NCOA5: variants seen among roughly 807,000 people sequenced by gnomAD.
NCOA5 encodes NCoA-5.
A neutral mutation model predicts 59.0 loss-of-function variants in NCOA5; 12 were observed. That is an observed-to-expected ratio of 0.20 (90% confidence interval 0.13 to 0.33). NCOA5 has a LOEUF of 0.33. Ranked by LOEUF, NCOA5 falls within the 10% of genes least tolerant of loss-of-function variation. NCOA5 has a pLI of 1.00. For missense variants in NCOA5, 655 were observed against 766.6 expected (o/e 0.85, Z 1.72); for synonymous variants, 270 against 275.5 (o/e 0.98, Z 0.20).
chr20:46,078,615 T>C (rs1469661049), intron 2 of NCOA5, among the ~76,000 whole-genome samples: 1 of 152,218 alleles, frequency 6.6e-6, no homozygotes, highest in Non-Finnish European at 1.5e-5. Flanking sequence ...CTGTCTGCCC[T>C]CTACACAAAA....
intron 4 of NCOA5, 48 bp downstream of exon 4, chr20:46,068,454 G>T: frequency 6.4e-7 from 1 of 1,559,698 alleles, no homozygotes; most frequent in South Asian, 1.2e-5. Flanking sequence ...TCTCTCTTTT[G>T]TAAAGTGTTC....
At chr20:46,085,268 C>T (rs1208873783) in intron 1 of NCOA5, among the ~76,000 whole-genome samples, 2 of 151,912 alleles carry the variant, frequency 1.3e-5, no homozygotes, top group African/African-American at 4.8e-5. Flanking sequence ...CTCAAGTGAT[C>T]CTCCCACCTC....
intron 1 of NCOA5, among the ~76,000 whole-genome samples, chr20:46,083,955 GAATAC>G (rs1395686244): frequency 6.6e-6 from 1 of 152,146 alleles, no homozygotes; most frequent in African/African-American, 2.4e-5. Context: ...AGTTCACTTT[GAATAC>G]TATACTTTCC....
intron 5 of NCOA5, among the ~76,000 whole-genome samples, chr20:46,066,422 TGAAG>T (rs941361997): frequency 2.0e-5 from 3 of 152,160 alleles, no homozygotes; most frequent in Non-Finnish European, 2.9e-5. Context: ...GGTTGTCCCA[TGAAG>T]GGAGTATATA....
chr20:46,062,456 C>T lies in NCOA5; in HGVS notation c.1584G>A (p.Val528=). 6.2e-7 allele frequency: 1 copy of T among 1,614,146 alleles called. No homozygotes were observed. Among genetic ancestry groups the T allele is most frequent in the Non-Finnish European group, 8.5e-7 (1 of 1,180,026 alleles). Residue 528 remains valine, a synonymous_variant, in exon 8 of 8, where the codon GTG becomes GTA. Coordinates refer to ENST00000290231, the MANE Select transcript of NCOA5 (RefSeq NM_020967.3). ...PASNMTSQRP[V]SSTGINFDNP... ...TGTCAAAGTTGATACCTGTGGAAGA[C>T]ACAGGCCTCTGGCTAGTCATGTTGC...
intron 2 of NCOA5, among the ~76,000 whole-genome samples, chr20:46,079,105 G>A (rs1367835124): frequency 6.6e-6 from 1 of 152,126 alleles, no homozygotes; most frequent in Non-Finnish European, 1.5e-5. Context: ...AATGACACGT[G>A]AGCTGGGGAC....
intron 6 of NCOA5, among the ~76,000 whole-genome samples, chr20:46,063,986 C>T (rs1325763755): frequency 6.6e-6 from 1 of 152,188 alleles, no homozygotes. Context: ...AAACAGACCA[C>T]GTGGGGAACA....
chr20:46,063,828 G>T (rs369631929), intron 6 of NCOA5, 148 bp from the exon 7 acceptor site: 10 of 816,528 alleles, frequency 1.2e-5, no homozygotes, highest in East Asian at 5.4e-5. Flanking sequence ...GGGGTGGTGT[G>T]GGGGGAGAGA....
chr20:46,084,983 C>T (rs2085031468), intron 1 of NCOA5, among the ~76,000 whole-genome samples: 1 of 152,142 alleles, frequency 6.6e-6, no homozygotes, highest in Non-Finnish European at 1.5e-5. Flanking sequence ...ACACATGTCC[C>T]AGGCCTTACA....
chr20:46,076,188 GTT>G (rs762655626), intron 2 of NCOA5, among the ~76,000 whole-genome samples: 4 of 151,558 alleles, frequency 2.6e-5, no homozygotes, highest in Non-Finnish European at 4.4e-5. Flanking sequence ...CATAGGTAGT[GTT>G]TTTTTTCCCC....
intron 5 of NCOA5, 126 bp from the exon 6 acceptor site, chr20:46,065,354 C>A: frequency 1.2e-6 from 1 of 866,724 alleles, no homozygotes; most frequent in South Asian, 1.6e-5. Flanking sequence ...TATTCAGGAT[C>A]CAAGTATCTA....
chr20:46,087,802 G>A (rs150526980), intron 1 of NCOA5, among the ~76,000 whole-genome samples: 3 of 152,142 alleles, frequency 2.0e-5, no homozygotes, highest in Non-Finnish European at 2.9e-5. Flanking sequence ...CTCAAGCACT[G>A]GTAGATGAGT....
chr20:46,064,757 C>T lies in NCOA5; in HGVS notation c.829+272G>A, dbSNP rs141845889. Among the ~76,000 whole-genome samples, 32 of 152,278 alleles carry T rather than the reference C, an allele frequency of 2.1e-4. No homozygotes were observed. In the East Asian group the frequency reaches 3.1e-3, roughly 15 times the overall value. On this transcript the variant is annotated intron_variant, in intron 6 of 7. Coordinates refer to ENST00000290231, the MANE Select transcript of NCOA5 (RefSeq NM_020967.3). ...CATGGAGATCAGCAAATGCTATAAA[C>T]GCCCTCCCCCCACACTGGAACTTGT...
intron 1 of NCOA5, among the ~76,000 whole-genome samples, chr20:46,088,070 T>C (rs902751509): frequency 1.3e-5 from 2 of 152,142 alleles, no homozygotes; most frequent in African/African-American, 4.8e-5. Flanking sequence ...CTTATGGGAC[T>C]TTCCTGTCAA....
intron 6 of NCOA5, among the ~76,000 whole-genome samples, chr20:46,064,362 C>T (rs986252893): frequency 1.3e-5 from 2 of 152,160 alleles, no homozygotes; most frequent in Admixed American, 6.5e-5. Flanking sequence ...TAAGTCTGTG[C>T]TGTAAGAGTG....
chr20:46,071,242 G>A (rs374031879), intron 2 of NCOA5, among the ~76,000 whole-genome samples: 163 of 151,896 alleles, frequency 1.1e-3, no homozygotes, highest in African/African-American at 3.4e-3. Flanking sequence ...TTCATGAGAC[G>A]TTTCAACCCA....
intron 1 of NCOA5, among the ~76,000 whole-genome samples, chr20:46,084,694 C>T (rs2085028496): frequency 6.6e-6 from 1 of 152,134 alleles, no homozygotes. Context: ...TCTATATTTC[C>T]TTTCTGACAA....
chr20:46,081,274 T>TA (rs928092415), intron 1 of NCOA5, among the ~76,000 whole-genome samples: 1 of 152,082 alleles, frequency 6.6e-6, no homozygotes, highest in Non-Finnish European at 1.5e-5. Context: ...GTACAACACA[T>TA]ATAGTATTAC....
At chr20:46,079,364 C>G in intron 2 of NCOA5, 23 bp downstream of exon 2, 2 of 1,613,736 alleles carry the variant, frequency 1.2e-6, no homozygotes, top group Non-Finnish European at 1.7e-6. Flanking sequence ...CCCAAGGTAA[C>G]TCACGGCTTC....
Sources: gnomAD v4.1 joint callset for allele counts (sites outside exome capture counted in the v4.1 genomes callset) on GRCh38, gnomAD v4.1.1 for gene constraint, MANE v1.5 for transcripts, NCBI Gene and HGNC (gene_info 2026-07-23, HGNC 2026-07-21) for gene names.